The following CNTN5 variants were observed in gnomAD, a reference collection of about 807,000 sequenced individuals.
CNTN5 encodes the protein contactin 5.
CNTN5 carries 77 observed loss-of-function variants against 129.1 expected under a neutral mutation model. The ratio of observed to expected loss-of-function variants is 0.60; its 90% CI spans 0.50 to 0.72. The LOEUF (loss-of-function observed/expected upper bound fraction) is 0.72. Among genes scored for constraint, CNTN5 ranks in the 30% least tolerant of loss-of-function variants. The pLI, the probability that CNTN5 is intolerant of heterozygous loss-of-function variation, is 0.00. For missense variants in CNTN5, 1,478 were observed against 1,328.8 expected (o/e 1.11, Z -1.75); for synonymous variants, 509 against 465.6 (o/e 1.09, Z -1.20).
intron 20 of CNTN5, among the ~76,000 whole-genome samples, chr11:100,306,315 T>G (rs1260533602): frequency 6.6e-6 from 1 of 151,640 alleles, no homozygotes; most frequent in Non-Finnish European, 1.5e-5. Context: ...ATACTTAAAC[T>G]TGTACAGTAC....
chr11:99,687,464 G>C (rs1290328751), intron 3 of CNTN5, among the ~76,000 whole-genome samples: 1 of 152,098 alleles, frequency 6.6e-6, no homozygotes, highest in Non-Finnish European at 1.5e-5. Flanking sequence ...TAGTTAATTT[G>C]CTACTTACCC....
At chr11:99,755,432 A>G (rs144846015) in intron 3 of CNTN5, among the ~76,000 whole-genome samples, 1 of 152,278 alleles carries the variant, frequency 6.6e-6, no homozygotes, top group African/African-American at 2.4e-5. Context: ...AAAGGTATGT[A>G]GTTGCGTCCC....
At chr11:99,778,675 T>C (rs1455980897) in intron 3 of CNTN5, among the ~76,000 whole-genome samples, 1 of 151,758 alleles carries the variant, frequency 6.6e-6, no homozygotes, top group African/African-American at 2.4e-5. Flanking sequence ...CCAGATACTT[T>C]ATTATGCATC....
intron 1 of CNTN5, among the ~76,000 whole-genome samples, chr11:99,122,945 T>C (rs1281514287): frequency 6.6e-6 from 1 of 152,152 alleles, no homozygotes; most frequent in Non-Finnish European, 1.5e-5. Flanking sequence ...CAGTCTACCG[T>C]TCATGGGCAT....
intron 9 of CNTN5, among the ~76,000 whole-genome samples, chr11:100,005,729 T>G (rs1940151141): frequency 6.6e-6 from 1 of 152,112 alleles, no homozygotes; most frequent in Non-Finnish European, 1.5e-5. Context: ...TAAGAGAGAT[T>G]TATCATATCT....
intron 1 of CNTN5, among the ~76,000 whole-genome samples, chr11:99,310,896 C>T (rs1465987815): frequency 6.6e-6 from 1 of 151,840 alleles, no homozygotes; most frequent in Admixed American, 6.6e-5. Flanking sequence ...CCTTTTTCCT[C>T]CTTTATTATC....
chr11:99,959,051 T>A (rs1434973953), intron 8 of CNTN5, among the ~76,000 whole-genome samples: 1 of 152,200 alleles, frequency 6.6e-6, no homozygotes, highest in Non-Finnish European at 1.5e-5. Context: ...GGCACACATT[T>A]CATGAATAAT....
At chr11:99,831,147 T>C (rs7942204) in intron 4 of CNTN5, among the ~76,000 whole-genome samples, 103,207 of 151,998 alleles carry the variant, frequency 0.68, 35,035 homozygotes, top group East Asian at 0.72. Flanking sequence ...GATAACTAGG[T>C]TCCAATACAT....
At chr11:99,332,585 T>C (rs903902381) in intron 2 of CNTN5, among the ~76,000 whole-genome samples, 16 of 152,074 alleles carry the variant, frequency 1.1e-4, no homozygotes, top group Non-Finnish European at 8.8e-5. Flanking sequence ...TTTCTCCAGA[T>C]TGAAGTTTTT....
intron 2 of CNTN5, among the ~76,000 whole-genome samples, chr11:99,530,941 C>T (rs1004957189): frequency 2.6e-5 from 4 of 152,116 alleles, no homozygotes; most frequent in Non-Finnish European, 5.9e-5. Context: ...CAGACTAATA[C>T]AATAAATTGA....
At chr11:100,074,062 A>C in intron 12 of CNTN5, 82 bp from the exon 13 acceptor site, 2 of 1,323,282 alleles carry the variant, frequency 1.5e-6, no homozygotes, top group South Asian at 2.8e-5. Context: ...CCAGAAGAAA[A>C]AGTTACAAGA....
chr11:99,957,602 T>C (rs1950836407), intron 8 of CNTN5, among the ~76,000 whole-genome samples: 1 of 152,186 alleles, frequency 6.6e-6, no homozygotes, highest in African/African-American at 2.4e-5. Flanking sequence ...CAGTTAAGCA[T>C]TGCATTAAAG....
intron 18 of CNTN5, among the ~76,000 whole-genome samples, chr11:100,276,024 C>T (rs1290676392): frequency 6.6e-6 from 1 of 152,122 alleles, no homozygotes; most frequent in Admixed American, 6.5e-5. Flanking sequence ...GCCAACTAAA[C>T]TTTGAAAATA....
chr11:99,502,001 G>A (rs1193504176), intron 2 of CNTN5, among the ~76,000 whole-genome samples: 1 of 152,124 alleles, frequency 6.6e-6, no homozygotes, highest in East Asian at 1.9e-4. Flanking sequence ...TAGGTACAAC[G>A]CTGATGGCTC....
chr11:99,923,756 T>C (rs1245104130), intron 7 of CNTN5, among the ~76,000 whole-genome samples: 3 of 138,526 alleles, frequency 2.2e-5, no homozygotes, highest in African/African-American at 8.4e-5. Context: ...TCTATCTGTC[T>C]GTCTATCTAT....
intron 3 of CNTN5, among the ~76,000 whole-genome samples, chr11:99,803,095 GCCCC>G (rs1312882117): frequency 6.6e-6 from 1 of 152,160 alleles, no homozygotes; most frequent in Non-Finnish European, 1.5e-5. Context: ...AGCAAATAGT[GCCCC>G]CCTGCACCAT....
intron 3 of CNTN5, among the ~76,000 whole-genome samples, chr11:99,710,132 G>C (rs1385843667): frequency 6.6e-6 from 1 of 151,768 alleles, no homozygotes; most frequent in African/African-American, 2.4e-5. Context: ...CTCACTCATA[G>C]ATGCCACAAG....
chr11:99,201,040 T>TTG (rs1398466939), intron 1 of CNTN5, among the ~76,000 whole-genome samples: 2 of 143,798 alleles, frequency 1.4e-5, no homozygotes, highest in Non-Finnish European at 3.0e-5. Flanking sequence ...TTTTTTTTTT[T>TTG]TTTTTCCAGA....
intron 3 of CNTN5, among the ~76,000 whole-genome samples, chr11:99,608,573 A>C (rs1043970985): frequency 6.6e-6 from 1 of 152,190 alleles, no homozygotes; most frequent in Admixed American, 6.5e-5. Flanking sequence ...ACAAACATGC[A>C]TAAAGTGAAG....
Sources: gnomAD v4.1 joint callset for allele counts (sites outside exome capture counted in the v4.1 genomes callset) on GRCh38, gnomAD v4.1.1 for gene constraint, MANE v1.5 for transcripts, NCBI Gene and HGNC (gene_info 2026-07-23, HGNC 2026-07-21) for gene names.